The following FRMD4B variants were observed in gnomAD, a reference collection of about 807,000 sequenced individuals.
The protein encoded by FRMD4B is FERM domain-containing protein 4B.
In FRMD4B, 74 loss-of-function variants were observed where a neutral mutation model predicts 141.5. The observed-to-expected ratio is 0.52, with a 90% confidence interval of 0.43 to 0.63. The LOEUF is 0.63. Among genes scored for constraint, FRMD4B ranks in the 30% least tolerant of loss-of-function variants. FRMD4B has a pLI of 0.00. For missense variants in FRMD4B, 1,366 were observed against 1,253.4 expected (o/e 1.09, Z -1.36); for synonymous variants, 506 against 467.9 (o/e 1.08, Z -1.05).
chr3:69,287,766 C>G lies in FRMD4B; in HGVS notation c.487G>C (p.Ala163Pro). Residue 163 changes from alanine (A) to proline (P), a missense_variant, in exon 5 of 23, where the codon GCC becomes CCC. Ala to Pro is a conservative substitution (Grantham distance 27). Coordinates refer to ENST00000398540, the MANE Select transcript of FRMD4B (RefSeq NM_015123.3). ...GGGGCACCTACCTTGTGCACACAGG[C>G]CTTTGCATTCAGGAAAAACAGCTCC... The part of the protein sequence containing the change: ...TVELFFLNAK[A>P]CVHKGQIEVE... 1.3e-6 allele frequency: 2 copies of G among 1,588,256 alleles called. No individual in the cohort carries two copies. The highest frequency in any genetic ancestry group is 1.7e-6 in the Non-Finnish European group (2 of 1,157,602).
intron 5 of FRMD4B, among the ~76,000 whole-genome samples, chr3:69,253,008 G>A (rs2093472490): frequency 6.6e-6 from 1 of 151,960 alleles, no homozygotes; most frequent in African/African-American, 2.4e-5. Flanking sequence ...CAATCAATAG[G>A]TCACCGGGTT....
chr3:69,183,475 T>TTG (rs1553695426), intron 19 of FRMD4B, among the ~76,000 whole-genome samples: 1 of 99,104 alleles, frequency 1.0e-5, no homozygotes, highest in African/African-American at 5.8e-5. Flanking sequence ...TAGAAGTTAA[T>TTG]TTTTTTTTTT....
chr3:69,432,986 C>A (rs765680427), intron 1 of FRMD4B: 8 of 152,168 alleles, frequency 5.3e-5, no homozygotes, highest in Non-Finnish European at 1.2e-4. Flanking sequence ...AGAGTTCATA[C>A]CAATTTGGCT....
At chr3:69,365,505 G>GTTTTGT (rs770172318) in intron 1 of FRMD4B, among the ~76,000 whole-genome samples, 11 of 137,862 alleles carry the variant, frequency 8.0e-5, no homozygotes, top group Non-Finnish European at 1.1e-4. Flanking sequence ...TACAACCTTT[G>GTTTTGT]TTTTTTTTCT....
In FRMD4B at chr3:69,289,815, C is replaced by CA. The variant is rs530822843; in HGVS notation, c.417-1980dup. Among the ~76,000 whole-genome samples the CA allele has an allele frequency of 3.9e-4, 59 of 151,688 alleles. No homozygotes were observed. The South Asian group carries it at 9.4e-3, about 24-fold the overall frequency. On this transcript the variant is annotated intron_variant, in intron 4 of 22. Coordinates refer to ENST00000398540, the MANE Select transcript of FRMD4B (RefSeq NM_015123.3). ...ACTCTGTCTCAAAAATAAAACAAAA[C>CA]AAAAAAAACCCAAAAAACAACGTAT...
intron 1 of FRMD4B, among the ~76,000 whole-genome samples, chr3:69,505,403 G>GA (rs1188792502): frequency 2.6e-5 from 4 of 151,646 alleles, no homozygotes; most frequent in Non-Finnish European, 4.4e-5. Context: ...AAAGAAAAAG[G>GA]AAACAAAAGG....
rs757932441 is a variant in FRMD4B, at chr3:69,193,695, C to T, written c.1667G>A (p.Arg556Gln). The T allele has an allele frequency of 2.2e-5, 35 of 1,613,238 alleles. No homozygotes were observed. In the South Asian group the frequency reaches 2.9e-4, roughly 13 times the overall value. Reference sequence around the variant, plus strand: ...GCTGGGTTTCTTTCCACACCTAATTCGGTATTCGTTTATTGCATTTTCAAT... The same window carrying T: ...GCTGGGTTTCTTTCCACACCTAATTTGGTATTCGTTTATTGCATTTTCAAT... ...QEIENAINEY[R>Q]IRCGKKPSQK... The change falls in exon 17 of 23, where the codon CGA becomes CAA. Residue 556 changes from arginine to glutamine, a missense_variant. Transcript: ENST00000398540.
chr3:69,278,446 A>G (rs930212275), intron 5 of FRMD4B, among the ~76,000 whole-genome samples: 4 of 151,430 alleles, frequency 2.6e-5, no homozygotes, highest in Non-Finnish European at 5.9e-5. Flanking sequence ...CTACAGGCAC[A>G]CACTAACTTA....
intron 1 of FRMD4B, among the ~76,000 whole-genome samples, chr3:69,382,679 A>T (rs1342918486): frequency 2.6e-5 from 4 of 151,712 alleles, no homozygotes; most frequent in African/African-American, 4.8e-5. Flanking sequence ...GCATGGCATC[A>T]GGAGTGGGTA....
intron 5 of FRMD4B, among the ~76,000 whole-genome samples, chr3:69,265,740 C>T (rs1225644724): frequency 6.6e-6 from 1 of 151,912 alleles, no homozygotes; most frequent in Non-Finnish European, 1.5e-5. Context: ...AGCCACAGCG[C>T]CTGGCCACAT....
intron 1 of FRMD4B, among the ~76,000 whole-genome samples, chr3:69,325,340 A>G (rs1431439357): frequency 6.6e-6 from 1 of 152,254 alleles, no homozygotes; most frequent in Non-Finnish European, 1.5e-5. Context: ...AGGCAATTCC[A>G]GCCAGCTTCG....
intron 11 of FRMD4B, among the ~76,000 whole-genome samples, chr3:69,204,963 T>C (rs1374079880): frequency 6.7e-6 from 1 of 149,692 alleles, no homozygotes; most frequent in East Asian, 2.0e-4. Context: ...ACTTAAATAC[T>C]GCCAGGCTCC....
At chr3:69,311,984 G>A (rs1194207555) in intron 2 of FRMD4B, among the ~76,000 whole-genome samples, 1 of 152,292 alleles carries the variant, frequency 6.6e-6, no homozygotes, top group African/African-American at 2.4e-5. Context: ...TACATTGTTA[G>A]TAAGGGCAGG....
chr3:69,416,086 A>G (rs1483465091), intron 2 of FRMD4B, among the ~76,000 whole-genome samples: 1 of 152,232 alleles, frequency 6.6e-6, no homozygotes, highest in Non-Finnish European at 1.5e-5. Flanking sequence ...AGGGCATACC[A>G]AGTAGCTCAA....
At chr3:69,507,401 G>A (rs1236249543) in intron 1 of FRMD4B, among the ~76,000 whole-genome samples, 1 of 152,122 alleles carries the variant, frequency 6.6e-6, no homozygotes, top group Non-Finnish European at 1.5e-5. Context: ...GTGTGTGTGT[G>A]TGTTTCAGTT....
At position 69,293,050 on chromosome 3, in the gene FRMD4B, A is replaced by G; in HGVS notation, c.417-5214T>C. On this transcript the variant is annotated intron_variant, in intron 4 of 22. Transcript: ENST00000398540. ...TGTCACTGTTATTTGGGCTCCTCCC[A>G]TTAGCATTTCTTTTTCCTTTCTTGG... The G allele has an allele frequency of 8.8e-6, 4 of 453,148 alleles. No homozygotes were observed. The Middle Eastern group carries it at 9.8e-4, about 111-fold the overall frequency. The allele number at this position is 453,148 out of a possible 1,614,324, so 28.1% of individuals were successfully genotyped here. A position where few individuals can be genotyped will look rare whatever the true frequency, so the allele number is the denominator to read the frequency against.
At chr3:69,484,955 C>T (rs568614214) in intron 1 of FRMD4B, among the ~76,000 whole-genome samples, 14 of 152,106 alleles carry the variant, frequency 9.2e-5, no homozygotes, top group Middle Eastern at 3.4e-3. Flanking sequence ...CAGGTCTGCC[C>T]CAGCCTGAAG....
chr3:69,440,310 G>A (rs1705324118), intron 1 of FRMD4B, among the ~76,000 whole-genome samples: 1 of 151,978 alleles, frequency 6.6e-6, no homozygotes. Flanking sequence ...TTTTGATACT[G>A]TGTTTTCCTC....
At chr3:69,494,200 A>C (rs1231477660) in intron 1 of FRMD4B, among the ~76,000 whole-genome samples, 1 of 152,142 alleles carries the variant, frequency 6.6e-6, no homozygotes, top group Non-Finnish European at 1.5e-5. Context: ...TTCTTGAATG[A>C]AATTATTGGT....
Sources: allele counts gnomAD v4.1 joint callset (sites outside exome capture counted in the v4.1 genomes callset), GRCh38; gene constraint gnomAD v4.1.1; transcripts MANE v1.5; gene names NCBI Gene and HGNC (gene_info 2026-07-23, HGNC 2026-07-21).